Variants in TMEM108 observed in about 807,000 individuals in gnomAD.
TMEM108 encodes cancer/testis antigen 124.
Under a neutral mutation model 35.1 loss-of-function variants are expected in TMEM108, and 12 were observed. The observed-to-expected ratio is 0.34, with a 90% CI of 0.22 to 0.55. TMEM108 has a LOEUF of 0.55. Ranked by LOEUF, TMEM108 falls within the 20% of genes least tolerant of loss-of-function variation. The pLI, the probability that TMEM108 is intolerant of heterozygous loss-of-function variation, is 0.89. For missense variants in TMEM108, 680 were observed against 753.3 expected, an observed-to-expected ratio of 0.90 and a Z score of 1.14; for synonymous variants, 287 against 308.6, an observed-to-expected ratio of 0.93 and a Z score of 0.73.
intron 2 of TMEM108, among the ~76,000 whole-genome samples, chr3:133,138,810 A>T (rs1296839963): frequency 1.3e-5 from 2 of 151,732 alleles, no homozygotes; most frequent in East Asian, 3.8e-4. Flanking sequence ...CATGTGTAGA[A>T]TGTGCAGGTT....
intron 2 of TMEM108, among the ~76,000 whole-genome samples, chr3:133,154,863 A>C (rs1944856305): frequency 6.6e-6 from 1 of 151,422 alleles, no homozygotes; most frequent in African/African-American, 2.4e-5. Flanking sequence ...AAGTATAATA[A>C]TAATTAAAAA....
chr3:133,038,455 GTCCCCCCAGT>G lies in TMEM108; in HGVS notation c.-166+21_-166+30del, dbSNP rs1559812511. ...CCCGAGGTAAGCGGCGCTCCGGGGC[GTCCCCCCAGT>G]CCTTCCCATGCTGGGTCCCGGCAAG... On this transcript the variant is annotated intron_variant, in intron 1 of 5. Transcript: ENST00000321871. 3 of 152,330 alleles carry G rather than the reference GTCCCCCCAGT, an allele frequency of 2.0e-5. No homozygotes were observed. The highest frequency in any genetic ancestry group is 7.2e-5 in the African/African-American group (3 of 41,474). 9.4% of individuals were successfully genotyped at this position (152,330 alleles called of 1,614,324 possible).
intron 2 of TMEM108, among the ~76,000 whole-genome samples, chr3:133,092,178 T>C (rs1943955331): frequency 6.6e-6 from 1 of 152,218 alleles, no homozygotes; most frequent in Non-Finnish European, 1.5e-5. Flanking sequence ...TGAGCCTTGA[T>C]TTTATAAACA....
At chr3:133,069,758 C>T (rs1389455707) in intron 2 of TMEM108, among the ~76,000 whole-genome samples, 1 of 152,114 alleles carries the variant, frequency 6.6e-6, no homozygotes, top group Non-Finnish European at 1.5e-5. Context: ...GGTGCATGAT[C>T]TGTCCAGGCT....
intron 2 of TMEM108, among the ~76,000 whole-genome samples, chr3:133,077,246 G>A (rs1305640549): frequency 1.3e-5 from 2 of 151,562 alleles, no homozygotes; most frequent in Admixed American, 6.6e-5. Flanking sequence ...TACTCCTAAA[G>A]TCTTGGGCTT....
intron 3 of TMEM108, among the ~76,000 whole-genome samples, chr3:133,375,430 A>C (rs1291336217): frequency 2.0e-5 from 3 of 152,250 alleles, no homozygotes; most frequent in Non-Finnish European, 2.9e-5. Context: ...TTTTAGCTTT[A>C]GTCTCTACTA....
chr3:133,267,006 G>A (rs1194247496), intron 3 of TMEM108, among the ~76,000 whole-genome samples: 1 of 150,858 alleles, frequency 6.6e-6, no homozygotes, highest in African/African-American at 2.4e-5. Flanking sequence ...CGTGAACCCA[G>A]GAGGCGGAGT....
At chr3:133,052,802 T>C (rs1389314049) in intron 2 of TMEM108, among the ~76,000 whole-genome samples, 1 of 152,182 alleles carries the variant, frequency 6.6e-6, no homozygotes, top group Non-Finnish European at 1.5e-5. Context: ...CTGTCTGTTA[T>C]AGGATGTTTG....
chr3:133,279,458 G>A (rs1490233623), intron 3 of TMEM108, among the ~76,000 whole-genome samples: 2 of 152,174 alleles, frequency 1.3e-5, no homozygotes, highest in East Asian at 3.8e-4. Context: ...AGATAGTAAT[G>A]ACCCTAAATG....
intron 2 of TMEM108, among the ~76,000 whole-genome samples, chr3:133,100,402 C>G (rs1337073279): frequency 3.3e-5 from 5 of 152,122 alleles, no homozygotes; most frequent in African/African-American, 1.2e-4. Flanking sequence ...GAATTTGAGA[C>G]CAGCTCTGGC....
intron 3 of TMEM108, among the ~76,000 whole-genome samples, chr3:133,306,450 T>C (rs1233082438): frequency 6.6e-6 from 1 of 152,190 alleles, no homozygotes; most frequent in Non-Finnish European, 1.5e-5. Flanking sequence ...ATGTGCCATG[T>C]TGATTTGCTG....
At chr3:133,267,407 G>C (rs1302271236) in intron 3 of TMEM108, among the ~76,000 whole-genome samples, 2 of 152,174 alleles carry the variant, frequency 1.3e-5, no homozygotes, top group Admixed American at 6.5e-5. Flanking sequence ...AGGCTTCCTG[G>C]AGAAAGCAGC....
intron 4 of TMEM108, among the ~76,000 whole-genome samples, chr3:133,382,310 A>G (rs896327218): frequency 6.6e-6 from 1 of 152,078 alleles, no homozygotes; most frequent in Non-Finnish European, 1.5e-5. Flanking sequence ...TTCCCACTCT[A>G]TGGCCCTAAG....
chr3:133,391,993 T>G (rs2073241264), intron 5 of TMEM108, among the ~76,000 whole-genome samples: 1 of 152,052 alleles, frequency 6.6e-6, no homozygotes, highest in Non-Finnish European at 1.5e-5. Flanking sequence ...CTCATCCTAC[T>G]CCATCTGTGC....
At chr3:133,183,335 G>T (rs747430262) in intron 2 of TMEM108, among the ~76,000 whole-genome samples, 15 of 152,112 alleles carry the variant, frequency 9.9e-5, no homozygotes, top group Non-Finnish European at 1.6e-4. Context: ...TAAGGCATAT[G>T]ATTCCTAAGT....
chr3:133,274,645 C>T (rs1201658316), intron 3 of TMEM108, among the ~76,000 whole-genome samples: 2 of 152,164 alleles, frequency 1.3e-5, no homozygotes, highest in African/African-American at 4.8e-5. Flanking sequence ...GGCAAGAAGT[C>T]CTTTCCTACT....
At chr3:133,378,469 C>T (rs1463815785) in intron 3 of TMEM108, 1 of 985,380 alleles carries the variant, frequency 1.0e-6, no homozygotes, top group Non-Finnish European at 1.2e-6. Context: ...AGAGATCTCT[C>T]TCCATAGTCA....
chr3:133,039,737 A>G (rs1359228334), intron 1 of TMEM108, among the ~76,000 whole-genome samples: 1 of 152,194 alleles, frequency 6.6e-6, no homozygotes, highest in African/African-American at 2.4e-5. Context: ...CACGTAATTT[A>G]TTCAGAACTC....
chr3:133,385,348 C>T (rs895541680), intron 4 of TMEM108, among the ~76,000 whole-genome samples: 2 of 152,192 alleles, frequency 1.3e-5, no homozygotes, highest in African/African-American at 2.4e-5. Context: ...ACAGCTCTTC[C>T]CTGTGCATCC....
Sources: allele counts gnomAD v4.1 joint callset (sites outside exome capture counted in the v4.1 genomes callset), GRCh38; gene constraint gnomAD v4.1.1; transcripts MANE v1.5; gene names NCBI Gene and HGNC (gene_info 2026-07-23, HGNC 2026-07-21).